The following MAPKAPK2 variants were observed in gnomAD, a reference collection of about 807,000 sequenced individuals.
MAPKAPK2 encodes MAPK activated protein kinase 2, also known as MAP kinase-activated protein kinase 2.
A neutral mutation model predicts 48.8 loss-of-function variants in MAPKAPK2; 9 were observed. The observed-to-expected ratio is 0.18, with a 90% confidence interval of 0.11 to 0.32. The LOEUF (loss-of-function observed/expected upper bound fraction) is 0.32. Ranked by LOEUF, MAPKAPK2 falls within the 10% of genes least tolerant of loss-of-function variation. The pLI, the probability that MAPKAPK2 is intolerant of heterozygous loss-of-function variation, is 1.00. For synonymous variants in MAPKAPK2, 202 were observed against 190.6 expected, an observed-to-expected ratio of 1.06 and a Z score of -0.49; for missense variants, 331 against 498.3, an observed-to-expected ratio of 0.66 and a Z score of 3.20.
Position 206,731,813 on chromosome 1 carries a change from C to T in MAPKAPK2, c.979-26C>T, listed in dbSNP as rs1673923165. On this transcript the variant is annotated intron_variant, in intron 8 of 9. Coordinates refer to ENST00000367103, the MANE Select transcript of MAPKAPK2 (RefSeq NM_032960.4). This position sits in a 1 kb window ranked among gnomAD's most constrained non-coding sequence, Gnocchi z 5.9. ...GCCAGGACCCTACCCCAGGCTTTCA[C>T]TCGGACCCCTTTTCTCTCTTCTCAG... 1.2e-6 allele frequency: 2 copies of T among 1,613,540 alleles called. No individual in the cohort carries two copies. Among genetic ancestry groups the T allele is most frequent in the Admixed American group, 3.3e-5 (2 of 60,022 alleles).
chr1:206,718,671 C>G (rs532662330), intron 1 of MAPKAPK2, among the ~76,000 whole-genome samples: 84 of 152,274 alleles, frequency 5.5e-4, no homozygotes, highest in Middle Eastern at 3.4e-3. Flanking sequence ...CTTTCTTCTA[C>G]GACACCGCAC....
intron 1 of MAPKAPK2, among the ~76,000 whole-genome samples, chr1:206,711,489 G>T (rs1438579934): frequency 1.3e-5 from 2 of 151,908 alleles, no homozygotes; most frequent in Non-Finnish European, 2.9e-5. Flanking sequence ...GACCTCAAGT[G>T]ACCCACCCAC....
intron 1 of MAPKAPK2, among the ~76,000 whole-genome samples, chr1:206,727,244 C>T (rs187106628): frequency 6.0e-4 from 92 of 152,288 alleles, no homozygotes; most frequent in Middle Eastern, 6.8e-3. Context: ...ATGTCAGATA[C>T]TCTGTGAGGT....
chr1:206,728,659 G>A (rs782350446), intron 1 of MAPKAPK2, 51 bp from the exon 2 acceptor site: 69 of 1,589,856 alleles, frequency 4.3e-5, no homozygotes, highest in Non-Finnish European at 5.9e-5. Context: ...CAGGGGCTTA[G>A]AGCAGGCCCA....
chr1:206,715,427 G>T (rs141846835), intron 1 of MAPKAPK2, among the ~76,000 whole-genome samples: 2 of 152,066 alleles, frequency 1.3e-5, no homozygotes, highest in African/African-American at 4.8e-5. Flanking sequence ...TACTGTCTCA[G>T]CTCTTCACTT....
chr1:206,716,421 T>A (rs1294050549), intron 1 of MAPKAPK2, among the ~76,000 whole-genome samples: 2 of 152,198 alleles, frequency 1.3e-5, no homozygotes, highest in African/African-American at 4.8e-5. Flanking sequence ...CTTCCGGTTC[T>A]TTTTCCTTCT....
At chr1:206,724,546 G>A (rs1215630642) in intron 1 of MAPKAPK2, among the ~76,000 whole-genome samples, 2 of 136,926 alleles carry the variant, frequency 1.5e-5, no homozygotes, top group Admixed American at 7.8e-5. Context: ...TCAATGACCA[G>A]TCCTTTTTTT....
rs115818180 is a variant in MAPKAPK2 at position 206,732,190 on chromosome 1, T to C, written c.1059+271T>C. Reference sequence around the variant, plus strand: ...GGACCTTAAAGACCATCTGGTATCATCTTCTCATTTTGCAGAAGAGAAACT... The same window carrying C: ...GGACCTTAAAGACCATCTGGTATCACCTTCTCATTTTGCAGAAGAGAAACT... On this transcript the variant is annotated intron_variant, in intron 9 of 9. Coordinates refer to ENST00000367103, the MANE Select transcript of MAPKAPK2 (RefSeq NM_032960.4). The surrounding 1 kb of genome is among the most constrained non-coding windows in gnomAD (Gnocchi z 4.4). 642 of 1,590,688 alleles carry C rather than the reference T, an allele frequency of 4.0e-4. 1 individual carries two copies. The African/African-American group carries it at 7.3e-3, about 18-fold the overall frequency.
intron 1 of MAPKAPK2, among the ~76,000 whole-genome samples, chr1:206,706,284 T>C (rs1483970113): frequency 1.3e-5 from 2 of 152,086 alleles, no homozygotes; most frequent in African/African-American, 4.8e-5. Flanking sequence ...TCTCCCTGCC[T>C]TTCCCTGGCC....
At chr1:206,703,156 A>C (rs1672852240) in intron 1 of MAPKAPK2, among the ~76,000 whole-genome samples, 1 of 152,242 alleles carries the variant, frequency 6.6e-6, no homozygotes, top group Non-Finnish European at 1.5e-5. Context: ...AGAGCTCATC[A>C]GCTCCAATGA....
intron 1 of MAPKAPK2, among the ~76,000 whole-genome samples, chr1:206,701,046 C>T (rs1672778105): frequency 6.6e-6 from 1 of 152,186 alleles, no homozygotes; most frequent in African/African-American, 2.4e-5. Flanking sequence ...TGCAGAGCCC[C>T]TCCTTGCCTG....
At chr1:206,688,904 G>T (rs1672368155) in intron 1 of MAPKAPK2, among the ~76,000 whole-genome samples, 1 of 152,144 alleles carries the variant, frequency 6.6e-6, no homozygotes, top group South Asian at 2.1e-4. Context: ...TAAGTGCTGG[G>T]ATTACAGGTG....
At chr1:206,701,829 T>TC (rs1553427941) in intron 1 of MAPKAPK2, among the ~76,000 whole-genome samples, 1 of 65,488 alleles carries the variant, frequency 1.5e-5, no homozygotes, top group African/African-American at 5.1e-5. Context: ...AGACCCTGTC[T>TC]CTAAAAAAAA....
At chr1:206,691,540 C>G (rs995978116) in intron 1 of MAPKAPK2, among the ~76,000 whole-genome samples, 52 of 127,636 alleles carry the variant, frequency 4.1e-4, no homozygotes, top group African/African-American at 1.4e-3. Flanking sequence ...TAGAGATGAG[C>G]TTGTTACCAT....
chr1:206,693,582 A>G (rs1293284168), intron 1 of MAPKAPK2, among the ~76,000 whole-genome samples: 1 of 152,196 alleles, frequency 6.6e-6, no homozygotes, highest in Non-Finnish European at 1.5e-5. Flanking sequence ...GCTCGCCTCC[A>G]GCCCTGGCTT....
In MAPKAPK2 at chr1:206,733,630, G is replaced by A. The variant is rs1674012018; in HGVS notation, c.*912G>A. 3 of 151,980 alleles carry A rather than the reference G, an allele frequency of 2.0e-5. No individual in the cohort carries two copies. The South Asian group carries it at 6.2e-4, about 32-fold the overall frequency. The allele number at this position is 151,980 out of a possible 1,614,324, so 9.4% of individuals were successfully genotyped here. On this transcript the variant is annotated 3_prime_UTR_variant, in exon 10 of 10. Transcript: ENST00000367103. ...ACTTAGTGCTGGTCCTAGGTCCTCT[G>A]AGGCACTCATCTACTGAATGACCTC...
chr1:206,691,504 T>TATATATATATATATATATAC (rs1424297313), intron 1 of MAPKAPK2, among the ~76,000 whole-genome samples: 2,771 of 111,444 alleles, frequency 0.025, 122 homozygotes, highest in Non-Finnish European at 0.034. Flanking sequence ...TATATATATA[T>TATATATATATATATATATAC]ACACACATAC....
chr1:206,724,993 C>T (rs781898295), intron 1 of MAPKAPK2, among the ~76,000 whole-genome samples: 16,034 of 152,224 alleles, frequency 0.11, 1,163 homozygotes, highest in Middle Eastern at 0.16. Context: ...GATGAGGAAA[C>T]CCTTTCCAGA....
intron 1 of MAPKAPK2, among the ~76,000 whole-genome samples, chr1:206,718,931 C>T (rs1164848310): frequency 2.0e-5 from 3 of 152,186 alleles, no homozygotes; most frequent in Non-Finnish European, 4.4e-5. Context: ...AGTGCCTTTT[C>T]TCCCCAGATC....
Sources: gnomAD v4.1 joint callset for allele counts (sites outside exome capture counted in the v4.1 genomes callset) on GRCh38, gnomAD v4.1.1 for gene constraint, Gnocchi (gnomAD v3.1) non-coding constraint, MANE v1.5 for transcripts, NCBI Gene and HGNC (gene_info 2026-07-23, HGNC 2026-07-21) for gene names.